Variants in TDRD5 observed in about 807,000 individuals in gnomAD.
The protein encoded by TDRD5 is tudor domain-containing protein 5.
Under a neutral mutation model 120.6 loss-of-function variants are expected in TDRD5, and 41 were observed. That is an observed-to-expected ratio of 0.34 (90% CI 0.26 to 0.44). TDRD5 has a LOEUF of 0.44. Ranked by LOEUF, TDRD5 falls within the 20% of genes least tolerant of loss-of-function variation. TDRD5 has a pLI of 1.00. For missense variants in TDRD5, 1,006 were observed against 1,221.2 expected (o/e 0.82, Z 2.63); for synonymous variants, 430 against 433.7 (o/e 0.99, Z 0.11).
intron 6 of TDRD5, among the ~76,000 whole-genome samples, chr1:179,622,602 A>G (rs1676899559): frequency 6.6e-6 from 1 of 152,218 alleles, no homozygotes; most frequent in Non-Finnish European, 1.5e-5. Context: ...ATAAAAACCA[A>G]GTTATTTTCA....
At chr1:179,650,501 AAT>A in intron 11 of TDRD5, among the ~76,000 whole-genome samples, 1 of 151,712 alleles carries the variant, frequency 6.6e-6, no homozygotes, top group African/African-American at 2.4e-5. Context: ...TTGGCCTGAT[AAT>A]TTGTTCAAGC....
intron 4 of TDRD5, among the ~76,000 whole-genome samples, chr1:179,609,187 C>T (rs775941742): frequency 6.6e-6 from 1 of 152,078 alleles, no homozygotes; most frequent in Non-Finnish European, 1.5e-5. Flanking sequence ...TTGGGTAGTA[C>T]AGGTCAAATA....
At chr1:179,604,764 A>G (rs569040394) in intron 4 of TDRD5, among the ~76,000 whole-genome samples, 1 of 152,182 alleles carries the variant, frequency 6.6e-6, no homozygotes, top group East Asian at 1.9e-4. Flanking sequence ...CAATTTTCTT[A>G]AATGTATTGA....
Position 179,669,209 on chromosome 1 carries a change from G to C in TDRD5, c.2665G>C (p.Gly889Arg), listed in dbSNP as rs766953290. The C allele has an allele frequency of 1.9e-6, 3 of 1,613,490 alleles. No individual in the cohort carries two copies. The highest frequency in any genetic ancestry group is 1.1e-5 in the South Asian group (1 of 90,910). ...CATTCTGCAGCAACTAGACATAAAT[G>C]GTTCTTCAGATTCTTCCACACTGCC... is the stretch of plus-strand genomic sequence containing the variant. Reference protein sequence around the residue: ...NRTQKQLDINGSSDSSTLPKL... With the variant: ...NRTQKQLDINRSSDSSTLPKL... The change falls in exon 17 of 18, where the codon GGT becomes CGT. Residue 889 changes from glycine (G) to arginine (R), a missense_variant. Gly to Arg is a moderately radical substitution (Grantham distance 125). This residue lies in a region of TDRD5 where 403 missense variants were observed against 448.1 expected (regional missense o/e 0.90). Coordinates refer to ENST00000444136, the MANE Select transcript of TDRD5 (RefSeq NM_001199085.3).
At chr1:179,594,452 C>G (rs868719301) in intron 3 of TDRD5, among the ~76,000 whole-genome samples, 2 of 152,186 alleles carry the variant, frequency 1.3e-5, no homozygotes, top group African/African-American at 2.4e-5. Context: ...AATGGCTTTT[C>G]TAAAGTCACA....
At chr1:179,612,431 A>G (rs1676330798) in intron 4 of TDRD5, among the ~76,000 whole-genome samples, 2 of 152,190 alleles carry the variant, frequency 1.3e-5, no homozygotes, top group African/African-American at 2.4e-5. Context: ...TTAATGGGTG[A>G]ATAGCATATG....
At chr1:179,633,909 C>T (rs2102009037) in intron 7 of TDRD5, among the ~76,000 whole-genome samples, 1 of 151,976 alleles carries the variant, frequency 6.6e-6, no homozygotes, top group East Asian at 2.0e-4. Flanking sequence ...CGGTGGCTCA[C>T]ACCTGTAATC....
chr1:179,627,538 C>G (rs1321164683), intron 6 of TDRD5, among the ~76,000 whole-genome samples: 1 of 152,066 alleles, frequency 6.6e-6, no homozygotes, highest in Non-Finnish European at 1.5e-5. Context: ...TTAGATAATT[C>G]AAATTGTGTA....
At position 179,691,124 on chromosome 1, in the gene TDRD5, G is replaced by A. The variant is rs1681131466; in HGVS notation, c.*181G>A. The A allele has an allele frequency of 1.0e-5, 7 of 672,592 alleles. No homozygotes were observed. The highest frequency in any genetic ancestry group is 1.6e-5 in the Non-Finnish European group (7 of 440,812). 41.7% of individuals were successfully genotyped at this position (672,592 alleles called of 1,614,324 possible). A position where few individuals can be genotyped will look rare whatever the true frequency, so the allele number is the denominator to read the frequency against. ...CTACTTTGATGTGTAAGTAAGTATT[G>A]ATATTTACTGTTAATCTTGATTTTT... On this transcript the variant is annotated 3_prime_UTR_variant, in exon 18 of 18. Coordinates refer to ENST00000444136, the MANE Select transcript of TDRD5 (RefSeq NM_001199085.3).
At chr1:179,602,835 G>A (rs967828224) in intron 4 of TDRD5, among the ~76,000 whole-genome samples, 1 of 152,010 alleles carries the variant, frequency 6.6e-6, no homozygotes, top group African/African-American at 2.4e-5. Flanking sequence ...TGTTCTTTTT[G>A]CTTAGTCTTG....
intron 4 of TDRD5, among the ~76,000 whole-genome samples, chr1:179,613,574 A>G (rs1431331029): frequency 6.6e-6 from 1 of 152,226 alleles, no homozygotes; most frequent in African/African-American, 2.4e-5. Flanking sequence ...GAAGTCAAAG[A>G]TCATGGCTCT....
chr1:179,637,463 G>A (rs900124025), intron 9 of TDRD5, among the ~76,000 whole-genome samples: 2 of 152,142 alleles, frequency 1.3e-5, no homozygotes, highest in Non-Finnish European at 2.9e-5. Context: ...TAATACTATA[G>A]ACTGGGTACA....
intron 11 of TDRD5, among the ~76,000 whole-genome samples, chr1:179,641,272 G>A (rs1019955600): frequency 3.3e-5 from 5 of 152,160 alleles, no homozygotes; most frequent in African/African-American, 1.2e-4. Flanking sequence ...ACTAACGCCT[G>A]TAATCCCAGC....
intron 5 of TDRD5, among the ~76,000 whole-genome samples, chr1:179,620,336 C>T (rs1676777427): frequency 6.6e-6 from 1 of 151,642 alleles, no homozygotes; most frequent in African/African-American, 2.4e-5. Flanking sequence ...AGTAAGTCTA[C>T]CTTTAGGAAA....
intron 4 of TDRD5, among the ~76,000 whole-genome samples, chr1:179,596,851 G>C (rs1379765541): frequency 6.6e-6 from 1 of 152,170 alleles, no homozygotes; most frequent in African/African-American, 2.4e-5. Flanking sequence ...GCATCATATA[G>C]TAAGTGTATG....
chr1:179,674,274 A>G (rs938697964), intron 17 of TDRD5, among the ~76,000 whole-genome samples: 9 of 152,170 alleles, frequency 5.9e-5, no homozygotes, highest in African/African-American at 1.9e-4. Flanking sequence ...GATTTTGTCA[A>G]ATGCTTTTTC....
chr1:179,643,959 A>G (rs976623358), intron 11 of TDRD5, among the ~76,000 whole-genome samples: 5 of 152,196 alleles, frequency 3.3e-5, no homozygotes, highest in Non-Finnish European at 7.3e-5. Flanking sequence ...GAAGGGGGAA[A>G]ATACAGGAAA....
chr1:179,641,545 A>C (rs182340502), intron 11 of TDRD5, among the ~76,000 whole-genome samples: 1 of 152,118 alleles, frequency 6.6e-6, no homozygotes, highest in East Asian at 1.9e-4. Context: ...AAAAAAAAAG[A>C]AGAAAGAAAA....
Position 179,637,386 on chromosome 1 carries a change from C to G in TDRD5, c.1520+1499C>G, listed in dbSNP as rs79277803. Among the ~76,000 whole-genome samples, 956 of 152,238 alleles carry G rather than the reference C, an allele frequency of 6.3e-3. 7 individuals are homozygous for G. Among genetic ancestry groups the G allele is most frequent in the African/African-American group, 0.021 (874 of 41,530 alleles). On this transcript the variant is annotated intron_variant, in intron 9 of 17. Transcript: ENST00000444136. Reference sequence around the variant, plus strand: ...CTCCAAAATGAGATAATGATAGTACCTACTTCACAGAGTTCTAAAAATTAA... The same window carrying G: ...CTCCAAAATGAGATAATGATAGTACGTACTTCACAGAGTTCTAAAAATTAA...
Sources: allele counts gnomAD v4.1 joint callset (sites outside exome capture counted in the v4.1 genomes callset), GRCh38; gene constraint gnomAD v4.1.1; regional missense constraint gnomAD v4.1.1; transcripts MANE v1.5; gene names NCBI Gene and HGNC (gene_info 2026-07-23, HGNC 2026-07-21).